The following MICAL2 variants were observed in gnomAD, a reference collection of about 807,000 sequenced individuals.
MICAL2 encodes the protein microtubule associated monooxygenase, calponin and LIM domain containing 2.
Under a neutral mutation model 127.3 loss-of-function variants are expected in MICAL2, and 77 were observed. The ratio of observed to expected loss-of-function variants is 0.60; its 90% CI spans 0.50 to 0.73. MICAL2 has a LOEUF of 0.73. Among genes scored for constraint, MICAL2 ranks in the 30% least tolerant of loss-of-function variants. The probability of loss-of-function intolerance (pLI) is 0.00; values close to 1 mark genes in which losing one functional copy is unlikely to be tolerated. For synonymous variants in MICAL2, 570 were observed against 551.1 expected (o/e 1.03, Z -0.48); for missense variants, 1,351 against 1,434.4 (o/e 0.94, Z 0.94).
At position 12,312,013 on chromosome 11, in the gene MICAL2, A is replaced by G. The variant is rs149331593; in HGVS notation, c.5213-7683A>G. ...AACCTATGTTTTTTAATTTATTATA[A>G]TAGTTTATATAAAAACAAATTTTTA... On this transcript the variant is annotated intron_variant, in intron 29 of 34. Coordinates refer to the MICAL2 transcript ENST00000646065. Among the ~76,000 whole-genome samples the G allele has an allele frequency of 4.8e-4, 73 of 151,286 alleles. No individual in the cohort carries two copies. In the East Asian group the frequency reaches 0.014, roughly 28 times the overall value.
intron 1 of MICAL2, among the ~76,000 whole-genome samples, chr11:12,278,815 A>G (rs1379238979): frequency 6.6e-6 from 1 of 152,312 alleles, no homozygotes; most frequent in South Asian, 2.1e-4. Context: ...TTCTAAAGTT[A>G]TCTTGAGGTG....
intron 33 of MICAL2, among the ~76,000 whole-genome samples, chr11:12,354,100 C>T (rs1051759814): frequency 2.6e-5 from 4 of 152,216 alleles, no homozygotes; most frequent in Non-Finnish European, 5.9e-5. Context: ...CAGCTGCTCC[C>T]CCTGGTCTCT....
In MICAL2 at chr11:12,162,289, A is replaced by T; in HGVS notation, c.134A>T (p.Asp45Val). Reference protein sequence around the residue: ...LTRHLDLDPLDHRNFYSKLKS... With the variant: ...LTRHLDLDPLVHRNFYSKLKS... ...CGACACCTGGACCTAGACCCTCTGG[A>T]CCACAGAAACTTTTATTCCAAGCTC... The change falls in exon 3 of 28, where the codon GAC becomes GTC. Residue 45 changes from aspartate to valine, a missense_variant. By Grantham distance (152) the Asp-to-Val change is radical (BLOSUM62 -3). Transcript: ENST00000683283. The T allele has an allele frequency of 6.2e-7, 1 of 1,614,226 alleles. No individual in the cohort carries two copies. Among genetic ancestry groups the T allele is most frequent in the Non-Finnish European group, 8.5e-7 (1 of 1,180,040 alleles).
chr11:12,337,144 C>G (rs1590743531), intron 32 of MICAL2, among the ~76,000 whole-genome samples: 2 of 152,150 alleles, frequency 1.3e-5, no homozygotes, highest in Non-Finnish European at 2.9e-5. Context: ...TGTTATTGGT[C>G]TATTCAGAGA....
intron 2 of MICAL2, among the ~76,000 whole-genome samples, chr11:12,148,007 G>T (rs1452374165): frequency 1.3e-5 from 2 of 152,142 alleles, no homozygotes; most frequent in South Asian, 2.1e-4. Context: ...GGATGGGGTG[G>T]TGGAGGGCTT....
At chr11:12,294,159 A>G, downstream of MICAL2, 3 of 1,614,008 alleles carry the variant, frequency 1.9e-6, no homozygotes, top group Non-Finnish European at 2.5e-6. Context: ...CTGCCAACCC[A>G]GAGAGGGGCC....
downstream of MICAL2, among the ~76,000 whole-genome samples, chr11:12,268,754 G>A (rs1863636388): frequency 6.6e-6 from 1 of 152,132 alleles, no homozygotes; most frequent in African/African-American, 2.4e-5. Context: ...ACTTTGGGAG[G>A]CCAAGGTGGG....
At chr11:12,209,926 G>GA (rs772520900) in intron 6 of MICAL2, among the ~76,000 whole-genome samples, 1 of 152,142 alleles carries the variant, frequency 6.6e-6, no homozygotes, top group Non-Finnish European at 1.5e-5. Context: ...TGTCATGGGG[G>GA]AAAAATGAAC....
At chr11:12,312,012 A>G (rs974275922) in intron 29 of MICAL2, among the ~76,000 whole-genome samples, 6 of 151,246 alleles carry the variant, frequency 4.0e-5, no homozygotes, top group Non-Finnish European at 5.9e-5. Context: ...AATTTATTAT[A>G]ATAGTTTATA....
downstream of MICAL2, among the ~76,000 whole-genome samples, chr11:12,267,691 T>C (rs1258849925): frequency 6.6e-6 from 1 of 152,190 alleles, no homozygotes; most frequent in Non-Finnish European, 1.5e-5. Flanking sequence ...AAACTTCACC[T>C]CCTGGATTCA....
intron 3 of MICAL2, 142 bp downstream of exon 3, chr11:12,162,561 T>A: frequency 2.7e-6 from 3 of 1,123,812 alleles, no homozygotes; most frequent in Non-Finnish European, 3.7e-6. Context: ...GGTAAAGGTT[T>A]CCTTTGTCTC....
downstream of MICAL2, chr11:12,292,138 G>A: frequency 1.2e-6 from 2 of 1,612,642 alleles, no homozygotes; most frequent in Admixed American, 1.7e-5. Context: ...TTCTTTCCTT[G>A]GTAGGTTTGA....
chr11:12,226,436 G>T, intron 14 of MICAL2, 66 bp downstream of exon 14: 1 of 1,523,134 alleles, frequency 6.6e-7, no homozygotes, highest in Non-Finnish European at 9.0e-7. Flanking sequence ...TCTGAGTCTG[G>T]CTGCTCCTAA....
chr11:12,112,845 A>G (rs1431752284), intron 1 of MICAL2, among the ~76,000 whole-genome samples: 1 of 152,140 alleles, frequency 6.6e-6, no homozygotes, highest in Non-Finnish European at 1.5e-5. Context: ...TGGCCATTGG[A>G]GGCCCATTCC....
chr11:12,210,615 T>C (rs2134175863), intron 6 of MICAL2, among the ~76,000 whole-genome samples: 1 of 152,342 alleles, frequency 6.6e-6, no homozygotes, highest in East Asian at 1.9e-4. Context: ...ATGTTTAAGC[T>C]GCCAACTTGG....
At chr11:12,136,279 G>A (rs745318476) in intron 1 of MICAL2, among the ~76,000 whole-genome samples, 27 of 152,302 alleles carry the variant, frequency 1.8e-4, no homozygotes, top group South Asian at 1.0e-3. Context: ...GAGCATGGGC[G>A]TGGACTCAGG....
chr11:12,296,240 A>C (rs1863984105), downstream of MICAL2, among the ~76,000 whole-genome samples: 1 of 151,882 alleles, frequency 6.6e-6, no homozygotes, highest in Non-Finnish European at 1.5e-5. Flanking sequence ...TTGTTGATCA[A>C]CTTTGTTTTT....
intron 1 of MICAL2, among the ~76,000 whole-genome samples, chr11:12,115,997 C>G (rs929778989): frequency 1.4e-5 from 1 of 69,142 alleles, no homozygotes; most frequent in African/African-American, 5.5e-5. Flanking sequence ...TTTTTTTTTT[C>G]TGAGATGGAG....
chr11:12,327,309 G>A (rs1046633335), intron 32 of MICAL2: 3 of 1,495,784 alleles, frequency 2.0e-6, no homozygotes, highest in African/African-American at 1.4e-5. Context: ...CATGGTCTGA[G>A]AATAGTGCTA....
Sources: allele counts gnomAD v4.1 joint callset (sites outside exome capture counted in the v4.1 genomes callset), GRCh38; gene constraint gnomAD v4.1.1; transcripts MANE v1.5; gene names NCBI Gene and HGNC (gene_info 2026-07-23, HGNC 2026-07-21).